The following COTL1 variants were observed in gnomAD, a reference collection of about 807,000 sequenced individuals.
The protein encoded by COTL1 is coactosin like F-actin binding protein 1.
COTL1 carries 15 observed loss-of-function variants against 16.5 expected under a neutral mutation model. The observed-to-expected ratio is 0.91, with a 90% CI of 0.61 to 1.40. The LOEUF (loss-of-function observed/expected upper bound fraction) is 1.40, where lower values mean the gene tolerates loss of function less well. Among genes scored for constraint, COTL1 ranks in the 40% most tolerant of loss-of-function variants. The probability of loss-of-function intolerance (pLI) is 0.00; values close to 1 mark genes in which losing one functional copy is unlikely to be tolerated. For synonymous variants in COTL1, 112 were observed against 85.3 expected (o/e 1.31, Z -1.73); for missense variants, 220 against 201.5 (o/e 1.09, Z -0.56).
chr16:84,617,500 C>G lies in COTL1; in HGVS notation c.160+1G>C. The G allele has an allele frequency of 5.2e-6, 8 of 1,551,662 alleles. No homozygotes were observed. The highest frequency in any genetic ancestry group is 7.0e-6 in the Non-Finnish European group (8 of 1,147,232). On this transcript the variant is annotated splice_donor_variant, in intron 2 of 3. Coordinates refer to ENST00000262428, the MANE Select transcript of COTL1 (RefSeq NM_021149.5). LOFTEE classifies it high-confidence loss of function. ...TCCGCCCGGCAGGCGCGCCTCCCTA[C>G]CTGTGCACTGCTGGATGAAGTGCTG...
intron 2 of COTL1, among the ~76,000 whole-genome samples, chr16:84,601,860 C>A (rs1022186626): frequency 5.9e-5 from 9 of 152,178 alleles, no homozygotes; most frequent in Non-Finnish European, 1.3e-4. Context: ...GAACTCCAGA[C>A]AAAGCAACAG....
chr16:84,573,111 ATTTAT>A (rs1904368602), intron 3 of COTL1, among the ~76,000 whole-genome samples: 1 of 152,352 alleles, frequency 6.6e-6, no homozygotes, highest in African/African-American at 2.4e-5. Flanking sequence ...AACCAGTGCC[ATTTAT>A]TTTAATAGTA....
Position 84,590,372 on chromosome 16 carries a change from G to C in COTL1, c.161-110C>G, listed in dbSNP as rs935037705. ...GTGCGCCTGGAGCAGCACAGCAGGA[G>C]ACCGGTGCAGTTCCCTGGGAGCACC... On this transcript the variant is annotated intron_variant, in intron 2 of 3. Coordinates refer to ENST00000262428, the MANE Select transcript of COTL1 (RefSeq NM_021149.5). The surrounding 1 kb of genome is among the most constrained non-coding windows in gnomAD (Gnocchi z 5.5). The C allele has an allele frequency of 7.8e-7, 1 of 1,288,868 alleles. No individual in the cohort carries two copies. The highest frequency in any genetic ancestry group is 1.5e-5 in the African/African-American group (1 of 67,936). 79.8% of individuals were successfully genotyped at this position (1,288,868 alleles called of 1,614,324 possible). A position where few individuals can be genotyped will look rare whatever the true frequency, so the allele number is the denominator to read the frequency against.
intron 2 of COTL1, among the ~76,000 whole-genome samples, chr16:84,610,005 T>C (rs966110528): frequency 1.3e-5 from 2 of 152,212 alleles, no homozygotes; most frequent in African/African-American, 2.4e-5. Context: ...ATTTACCACA[T>C]AGGGTTGGTG....
chr16:84,617,553 G>T lies in COTL1; in HGVS notation c.108C>A (p.Ile36=). ...WVTFKYDGST[I]VPGEQGAEYQ... is the part of the protein sequence containing the mutation. The stretch of plus-strand genomic sequence containing the variant: ...ACTCCGCTCCCTGCTCGCCGGGGAC[G>T]ATGGTGGAGCCGTCATATTTAAAAG... The change falls in exon 2 of 4, where the codon ATC becomes ATA. Residue 36 remains isoleucine, a synonymous_variant. Transcript: ENST00000262428. 1 of 1,558,706 alleles carries T rather than the reference G, an allele frequency of 6.4e-7. No individual in the cohort carries two copies. The highest frequency in any genetic ancestry group is 2.4e-5 in the East Asian group (1 of 41,762).
intron 2 of COTL1, among the ~76,000 whole-genome samples, chr16:84,609,842 A>G (rs1391991937): frequency 2.0e-5 from 3 of 152,152 alleles, no homozygotes; most frequent in African/African-American, 7.2e-5. Flanking sequence ...CCCTTTTGCC[A>G]TGATTGTAAG....
At chr16:84,589,976 G>T in intron 3 of COTL1, 129 bp downstream of exon 3, 1 of 860,722 alleles carries the variant, frequency 1.2e-6, no homozygotes, top group Non-Finnish European at 1.8e-6. Context: ...CTGGTGCAGA[G>T]ACATAGCATG....
chr16:84,581,932 T>C (rs1482922925), intron 3 of COTL1, among the ~76,000 whole-genome samples: 2 of 152,106 alleles, frequency 1.3e-5, no homozygotes. Context: ...TATAAGCTTC[T>C]GTCCTGGTAA....
chr16:84,610,196 C>T (rs1203288795), intron 2 of COTL1, among the ~76,000 whole-genome samples: 1 of 152,246 alleles, frequency 6.6e-6, no homozygotes, highest in Non-Finnish European at 1.5e-5. Context: ...GGATTCTCCT[C>T]TCCTCTGAGA....
At position 84,583,111 on chromosome 16, in the gene COTL1, G is replaced by A. The variant is rs193068124; in HGVS notation, c.318+6994C>T. 1.0e-3 allele frequency among the ~76,000 whole-genome samples: 157 copies of A among 152,334 alleles called. 1 individual carries two copies. The highest frequency in any genetic ancestry group is 3.7e-3 in the African/African-American group (152 of 41,578). ...CCAGAAGCCTTGGGAAATGTGCAGT[G>A]TGGTGAAGTGGCCGTGTCGGGGCTC... On this transcript the variant is annotated intron_variant, in intron 3 of 3. Transcript: ENST00000262428.
chr16:84,617,921 G>A lies in COTL1; in HGVS notation c.-7C>T. 1 of 1,550,472 alleles carries A rather than the reference G, an allele frequency of 6.4e-7. No individual in the cohort carries two copies. Among genetic ancestry groups the A allele is most frequent in the Non-Finnish European group, 8.7e-7 (1 of 1,148,092 alleles). ...TGTCGATCTTGGTGGCCATCGCCGC[G>A]GAGCCGCAGCGGGACACTGTCCGGG... On this transcript the variant is annotated 5_prime_UTR_variant, in exon 1 of 4. Transcript: ENST00000262428.
chr16:84,598,674 C>T (rs1337363866), intron 2 of COTL1, among the ~76,000 whole-genome samples: 13 of 151,458 alleles, frequency 8.6e-5, no homozygotes, highest in African/African-American at 2.9e-4. Flanking sequence ...CCACCAACCC[C>T]GACCTCTCTG....
rs1320584066 is a variant in COTL1 at position 84,581,167 on chromosome 16, ATATG to A, written c.318+8934_318+8937del. On this transcript the variant is annotated intron_variant, in intron 3 of 3. Coordinates refer to ENST00000262428, the MANE Select transcript of COTL1 (RefSeq NM_021149.5). ...AAAACAAACAAACAAACAAATAAAT[ATATG>A]TATGTATGTATGTATGTATGACATG... Among the ~76,000 whole-genome samples, 47 of 148,808 alleles carry A rather than the reference ATATG, an allele frequency of 3.2e-4. No homozygotes were observed. The East Asian group carries it at 8.2e-3, about 26-fold the overall frequency.
intron 2 of COTL1, among the ~76,000 whole-genome samples, chr16:84,600,678 A>T (rs1905090439): frequency 6.6e-6 from 1 of 152,178 alleles, no homozygotes; most frequent in South Asian, 2.1e-4. Context: ...TTGTTTCTGC[A>T]TTGGAGCTCA....
chr16:84,591,823 C>CAAATAAAATAAAATAAAATTA (rs1904873545), intron 2 of COTL1, among the ~76,000 whole-genome samples: 2 of 120,668 alleles, frequency 1.7e-5, no homozygotes, highest in African/African-American at 6.1e-5. Context: ...GACCCTGTCT[C>CAAATAAAATAAAATAAAATTA]AAATAAAATA....
intron 3 of COTL1, among the ~76,000 whole-genome samples, chr16:84,580,125 G>A (rs1027778433): frequency 6.6e-6 from 1 of 152,238 alleles, no homozygotes; most frequent in African/African-American, 2.4e-5. Context: ...CTGGAGTTTG[G>A]TGGAGGGCAG....
In COTL1 at chr16:84,584,440, G is replaced by T. The variant is rs528570972; in HGVS notation, c.318+5665C>A. 2.6e-5 allele frequency among the ~76,000 whole-genome samples: 4 copies of T among 152,318 alleles called. No individual in the cohort carries two copies. The East Asian group carries it at 5.8e-4, about 22-fold the overall frequency. ...TATCACTCATTAACTGTGAGTTTAG[G>T]GCAGGTCCTAGCACTGCTGTGGGCC... On this transcript the variant is annotated intron_variant, in intron 3 of 3. Coordinates refer to ENST00000262428, the MANE Select transcript of COTL1 (RefSeq NM_021149.5).
intron 2 of COTL1, among the ~76,000 whole-genome samples, chr16:84,591,266 C>T (rs1470805098): frequency 6.6e-6 from 1 of 151,034 alleles, no homozygotes; most frequent in East Asian, 2.0e-4. Context: ...TCACTGCAAG[C>T]TTGGCCTCTA....
chr16:84,573,318 G>A (rs1319104150), intron 3 of COTL1, among the ~76,000 whole-genome samples: 1 of 152,246 alleles, frequency 6.6e-6, no homozygotes, highest in Non-Finnish European at 1.5e-5. Context: ...CACGTGGCCA[G>A]CAACAGCGCA....
Sources: gnomAD v4.1 joint callset for allele counts (sites outside exome capture counted in the v4.1 genomes callset) on GRCh38, gnomAD v4.1.1 for gene constraint, Gnocchi (gnomAD v3.1) non-coding constraint, MANE v1.5 for transcripts, NCBI Gene and HGNC (gene_info 2026-07-23, HGNC 2026-07-21) for gene names.